Variants in PLEKHA5 observed in about 807,000 individuals in gnomAD.
PLEKHA5 encodes pleckstrin homology domain containing A5, also known as pleckstrin homology domain-containing family A member 5.
Under a neutral mutation model 181.9 loss-of-function variants are expected in PLEKHA5, and 55 were observed. That is an observed-to-expected ratio of 0.30 (90% CI 0.24 to 0.38). PLEKHA5 has a LOEUF of 0.38. Ranked by LOEUF, PLEKHA5 falls within the 10% of genes least tolerant of loss-of-function variation. The pLI is 1.00. For synonymous variants in PLEKHA5, 535 were observed against 529.4 expected (o/e 1.01, Z -0.15); for missense variants, 1,432 against 1,549.5 (o/e 0.92, Z 1.27).
chr12:19,360,588 A>C lies in PLEKHA5; in HGVS notation c.3484-994A>C, dbSNP rs966910652. ...CACACTACCCTGCAGCCTGGAGGAC[A>C]GAGTGAGATTCCGTCTCAAAAAAAA... On this transcript the variant is annotated intron_variant, in intron 28 of 31. Coordinates refer to ENST00000429027, the MANE Select transcript of PLEKHA5 (RefSeq NM_001256470.2). Among the ~76,000 whole-genome samples the C allele has an allele frequency of 3.9e-5, 6 of 152,018 alleles. No homozygotes were observed. In the South Asian group the frequency reaches 1.2e-3, roughly 32 times the overall value.
At chr12:19,305,884 A>AAC (rs57683694) in intron 15 of PLEKHA5, among the ~76,000 whole-genome samples, 1 of 147,540 alleles carries the variant, frequency 6.8e-6, no homozygotes, top group African/African-American at 2.5e-5. Context: ...AAAAAAAAAA[A>AAC]CAACTATGAA....
intron 22 of PLEKHA5, among the ~76,000 whole-genome samples, chr12:19,344,746 T>G (rs1223888220): frequency 1.3e-5 from 2 of 152,118 alleles, no homozygotes; most frequent in Admixed American, 1.3e-4. Context: ...TTGTTGCCTT[T>G]TTAATGTAAT....
intron 3 of PLEKHA5, among the ~76,000 whole-genome samples, chr12:19,158,124 G>A (rs1467681062): frequency 6.6e-6 from 1 of 152,086 alleles, no homozygotes; most frequent in Non-Finnish European, 1.5e-5. Flanking sequence ...AGGCCGAGGT[G>A]GATGGATCAC....
chr12:19,193,372 A>G (rs2051727215), intron 3 of PLEKHA5, among the ~76,000 whole-genome samples: 1 of 152,190 alleles, frequency 6.6e-6, no homozygotes, highest in African/African-American at 2.4e-5. Flanking sequence ...AAAGCAAATA[A>G]TGTTGGTTAA....
intron 25 of PLEKHA5, among the ~76,000 whole-genome samples, chr12:19,352,952 T>C (rs2094688345): frequency 1.3e-5 from 2 of 150,992 alleles, no homozygotes; most frequent in Admixed American, 1.3e-4. Context: ...CCAGCTTTTT[T>C]TTTTTTTTCA....
At chr12:19,168,129 C>T (rs1388227363) in intron 3 of PLEKHA5, among the ~76,000 whole-genome samples, 2 of 152,136 alleles carry the variant, frequency 1.3e-5, no homozygotes. Flanking sequence ...GATTTCAAGT[C>T]ATAAAGTCAT....
At chr12:19,263,529 T>A (rs1002650430) in intron 7 of PLEKHA5, among the ~76,000 whole-genome samples, 6 of 152,198 alleles carry the variant, frequency 3.9e-5, no homozygotes, top group Non-Finnish European at 8.8e-5. Flanking sequence ...ATAAAAAGTG[T>A]GTTGTCAGAA....
chr12:19,201,749 C>T (rs2152075531), intron 3 of PLEKHA5: 1 of 152,082 alleles, frequency 6.6e-6, no homozygotes. Context: ...TATGAATTTC[C>T]CAGAAAGGCA....
chr12:19,186,108 T>C (rs1001206735), intron 3 of PLEKHA5, among the ~76,000 whole-genome samples: 2 of 152,192 alleles, frequency 1.3e-5, no homozygotes, highest in African/African-American at 4.8e-5. Flanking sequence ...TCCCATAAAA[T>C]ACTAATAATA....
chr12:19,326,125 C>T (rs991821532), intron 20 of PLEKHA5, among the ~76,000 whole-genome samples: 1 of 152,064 alleles, frequency 6.6e-6, no homozygotes, highest in Non-Finnish European at 1.5e-5. Flanking sequence ...TTCCTGGTTT[C>T]TTTTTCCTTG....
intron 3 of PLEKHA5, among the ~76,000 whole-genome samples, chr12:19,217,544 T>TC (rs1466103451): frequency 2.0e-5 from 3 of 152,194 alleles, no homozygotes; most frequent in Non-Finnish European, 4.4e-5. Context: ...ATAAAAATGT[T>TC]CAACAGGTAT....
At chr12:19,215,076 C>T (rs1273792915) in intron 3 of PLEKHA5, among the ~76,000 whole-genome samples, 1 of 152,074 alleles carries the variant, frequency 6.6e-6, no homozygotes, top group African/African-American at 2.4e-5. Flanking sequence ...ACTCCAGAGG[C>T]TGAGGCAGGA....
rs1555144662 is a variant in PLEKHA5, at chr12:19,283,149, C to CACA, written c.1314-130_1314-129insCAA. 2.9e-5 allele frequency: 6 copies of CACA among 204,092 alleles called. No homozygotes were observed. In the East Asian group the frequency reaches 4.9e-4, roughly 17 times the overall value. The allele number at this position is 204,092 out of a possible 1,614,324, so 12.6% of individuals were successfully genotyped here. ...GCAACAGAGCGAGACTCTTGTCTCC[C>CACA]AAAAAAAAAAAAAAAAAAAAAAAAT... is the stretch of plus-strand genomic sequence containing the variant. On this transcript the variant is annotated intron_variant, in intron 11 of 31. Transcript: ENST00000429027.
At chr12:19,271,924 C>T (rs192202719) in intron 10 of PLEKHA5, among the ~76,000 whole-genome samples, 5 of 152,164 alleles carry the variant, frequency 3.3e-5, no homozygotes, top group Admixed American at 6.5e-5. Context: ...TTATCCCACT[C>T]TATTAGATTT....
chr12:19,160,935 G>T (rs1261466638), intron 3 of PLEKHA5, among the ~76,000 whole-genome samples: 1 of 152,002 alleles, frequency 6.6e-6, no homozygotes. Flanking sequence ...AACAGTATTA[G>T]TAATAGTAAA....
At chr12:19,255,207 A>G (rs2066523410) in intron 5 of PLEKHA5, 42 bp downstream of exon 5, 12 of 1,366,812 alleles carry the variant, frequency 8.8e-6, no homozygotes, top group Non-Finnish European at 1.2e-5. Context: ...TAAGGAGTAA[A>G]CAGTATCTAT....
intron 21 of PLEKHA5, among the ~76,000 whole-genome samples, chr12:19,338,619 A>AT (rs1491179515): frequency 2.0e-5 from 3 of 150,250 alleles, no homozygotes; most frequent in Non-Finnish European, 4.4e-5. Context: ...AAAAAAAAAA[A>AT]CACAAAGTGC....
At chr12:19,264,452 T>C (rs1345923389) in intron 7 of PLEKHA5, among the ~76,000 whole-genome samples, 1 of 152,220 alleles carries the variant, frequency 6.6e-6, no homozygotes, top group Non-Finnish European at 1.5e-5. Flanking sequence ...CTATACCCTT[T>C]ACATGAACAT....
At chr12:19,184,428 G>A (rs1358761690) in intron 3 of PLEKHA5, among the ~76,000 whole-genome samples, 5 of 152,146 alleles carry the variant, frequency 3.3e-5, no homozygotes, top group African/African-American at 7.2e-5. Context: ...GATGTAGGAT[G>A]TACATGTGAG....
Sources: gnomAD v4.1 joint callset for allele counts (sites outside exome capture counted in the v4.1 genomes callset) on GRCh38, gnomAD v4.1.1 for gene constraint, MANE v1.5 for transcripts, NCBI Gene and HGNC (gene_info 2026-07-23, HGNC 2026-07-21) for gene names.